FHIT: variants seen among roughly 807,000 people sequenced by gnomAD.
FHIT encodes fragile histidine triad diadenosine triphosphatase.
Under a neutral mutation model 17.9 loss-of-function variants are expected in FHIT, and 19 were observed. The observed-to-expected ratio is 1.06, with a 90% CI of 0.74 to 1.56. The LOEUF is 1.56. FHIT is among the 40% of genes most tolerant of loss of function. The pLI, the probability that FHIT is intolerant of heterozygous loss-of-function variation, is 0.00. For synonymous variants in FHIT, 81 were observed against 69.7 expected (o/e 1.16, Z -0.81); for missense variants, 248 against 189.2 (o/e 1.31, Z -1.82).
At chr3:60,381,777 G>C (rs541591219) in intron 5 of FHIT, among the ~76,000 whole-genome samples, 1 of 150,212 alleles carries the variant, frequency 6.7e-6, no homozygotes, top group Admixed American at 6.7e-5. Flanking sequence ...CCTCTACATG[G>C]ATAGACTAGA....
At chr3:59,777,914 T>C (rs1385595906) in intron 8 of FHIT, among the ~76,000 whole-genome samples, 1 of 152,238 alleles carries the variant, frequency 6.6e-6, no homozygotes, top group Non-Finnish European at 1.5e-5. Flanking sequence ...TTACAGCTTC[T>C]CATTTAGTTA....
chr3:60,118,481 T>G (rs1381234738), intron 5 of FHIT, among the ~76,000 whole-genome samples: 1 of 151,956 alleles, frequency 6.6e-6, no homozygotes, highest in Non-Finnish European at 1.5e-5. Flanking sequence ...TATTTTAATC[T>G]GAATGATGGA....
At position 60,862,428 on chromosome 3, in the gene FHIT, A is replaced by G. The variant is rs1703955236; in HGVS notation, c.-110-40417T>C. Among the ~76,000 whole-genome samples, 3 of 152,088 alleles carry G rather than the reference A, an allele frequency of 2.0e-5. No individual in the cohort carries two copies. In the South Asian group the frequency reaches 6.2e-4, roughly 32 times the overall value. ...AGGAATTCTCTTGCCTAGGCCTCCCAAAGTGCTTGGGATTACAGTCATGGG... is the reference window on the plus strand; with the variant it reads ...AGGAATTCTCTTGCCTAGGCCTCCCGAAGTGCTTGGGATTACAGTCATGGG... On this transcript the variant is annotated intron_variant, in intron 3 of 9. Transcript: ENST00000492590.
intron 7 of FHIT, among the ~76,000 whole-genome samples, chr3:59,971,900 T>G (rs1025819016): frequency 1.3e-5 from 2 of 152,156 alleles, no homozygotes; most frequent in East Asian, 3.9e-4. Flanking sequence ...TAATCAGAAA[T>G]TGCACCAACG....
chr3:60,656,976 C>T (rs1559618709), intron 4 of FHIT, among the ~76,000 whole-genome samples: 1 of 58,844 alleles, frequency 1.7e-5, no homozygotes, highest in African/African-American at 4.5e-5. Context: ...TTTTTTATGT[C>T]CACACAAAAA....
intron 8 of FHIT, among the ~76,000 whole-genome samples, chr3:59,915,937 G>GA (rs68033255): frequency 0.46 from 64,814 of 142,188 alleles, 15,306 homozygotes; most frequent in East Asian, 0.79. Context: ...GTCTCTTAGG[G>GA]AAAAAAAAAA....
chr3:60,758,463 G>C (rs1699525597), intron 4 of FHIT, among the ~76,000 whole-genome samples: 2 of 152,248 alleles, frequency 1.3e-5, no homozygotes, highest in African/African-American at 4.8e-5. Context: ...GTAACATTCT[G>C]TTTAGCTTGA....
intron 5 of FHIT, among the ~76,000 whole-genome samples, chr3:60,022,643 C>T (rs1280872822): frequency 1.3e-5 from 2 of 152,090 alleles, no homozygotes; most frequent in Admixed American, 1.3e-4. Context: ...TTTTGCTAAC[C>T]CCAACCAACT....
At chr3:60,318,516 A>G (rs989617429) in intron 5 of FHIT, among the ~76,000 whole-genome samples, 6 of 152,182 alleles carry the variant, frequency 3.9e-5, no homozygotes, top group Non-Finnish European at 8.8e-5. Context: ...GAAATAGGTC[A>G]AGCAAATTCT....
At chr3:59,849,250 G>A (rs1701839343) in intron 8 of FHIT, among the ~76,000 whole-genome samples, 1 of 152,100 alleles carries the variant, frequency 6.6e-6, no homozygotes, top group Non-Finnish European at 1.5e-5. Context: ...GTGCACGTCT[G>A]TAATCCCAGC....
intron 5 of FHIT, among the ~76,000 whole-genome samples, chr3:60,478,096 A>T (rs1360161394): frequency 6.6e-6 from 1 of 152,236 alleles, no homozygotes; most frequent in Admixed American, 6.5e-5. Flanking sequence ...TACAGCATTG[A>T]CATACTGATT....
At chr3:60,084,402 C>T (rs765700107) in intron 5 of FHIT, among the ~76,000 whole-genome samples, 6 of 152,146 alleles carry the variant, frequency 3.9e-5, no homozygotes, top group East Asian at 1.9e-4. Flanking sequence ...ATCACTCATT[C>T]GTTCACTCTA....
chr3:60,792,796 A>C (rs540550670), intron 4 of FHIT, among the ~76,000 whole-genome samples: 2 of 151,870 alleles, frequency 1.3e-5, no homozygotes, highest in Non-Finnish European at 2.9e-5. Context: ...AGCCATTAGT[A>C]ATTCCATCTT....
At chr3:60,381,610 A>G (rs992301600) in intron 5 of FHIT, among the ~76,000 whole-genome samples, 2 of 152,252 alleles carry the variant, frequency 1.3e-5, no homozygotes, top group African/African-American at 2.4e-5. Context: ...TTAAAAGTAT[A>G]TATCTGCATT....
At chr3:59,832,220 C>A (rs975843669) in intron 8 of FHIT, among the ~76,000 whole-genome samples, 3 of 152,044 alleles carry the variant, frequency 2.0e-5, no homozygotes, top group Non-Finnish European at 4.4e-5. Context: ...TGAGTACTGT[C>A]CCTCAGTTTC....
At chr3:61,191,366 G>C (rs1300408984) in intron 2 of FHIT, among the ~76,000 whole-genome samples, 3 of 152,102 alleles carry the variant, frequency 2.0e-5, no homozygotes, top group Admixed American at 1.3e-4. Context: ...CCGGCCCTCA[G>C]ACTGGGATTA....
At chr3:59,858,404 T>G (rs1224632897) in intron 8 of FHIT, among the ~76,000 whole-genome samples, 1 of 152,014 alleles carries the variant, frequency 6.6e-6, no homozygotes, top group Non-Finnish European at 1.5e-5. Flanking sequence ...TTTTTTGTAT[T>G]TTTAGTATAG....
chr3:60,062,068 C>T (rs186616608), intron 5 of FHIT, among the ~76,000 whole-genome samples: 377 of 152,210 alleles, frequency 2.5e-3, no homozygotes, highest in Middle Eastern at 6.8e-3. Context: ...TTTCTAACAT[C>T]ATGAATTTCT....
At chr3:61,008,378 G>A (rs1348935857) in intron 3 of FHIT, among the ~76,000 whole-genome samples, 1 of 152,160 alleles carries the variant, frequency 6.6e-6, no homozygotes, top group Non-Finnish European at 1.5e-5. Context: ...TCCAGGGAAG[G>A]CTGCAGTTGG....
Sources: allele counts gnomAD v4.1 joint callset (sites outside exome capture counted in the v4.1 genomes callset), GRCh38; gene constraint gnomAD v4.1.1; transcripts MANE v1.5; gene names NCBI Gene and HGNC (gene_info 2026-07-23, HGNC 2026-07-21).